Variants in PCNT observed in about 807,000 individuals in gnomAD.
PCNT encodes pericentrin.
PCNT carries 319 observed loss-of-function variants against 380.4 expected under a neutral mutation model. The ratio of observed to expected loss-of-function variants is 0.84; its 90% CI spans 0.77 to 0.92. The LOEUF (loss-of-function observed/expected upper bound fraction) is 0.92. Ranked by LOEUF, PCNT falls within the 40% of genes least tolerant of loss-of-function variation. The pLI, the probability that PCNT is intolerant of heterozygous loss-of-function variation, is 0.00. For synonymous variants in PCNT, 1,845 were observed against 1,735.2 expected (o/e 1.06, Z -1.57); for missense variants, 4,400 against 4,255.3 (o/e 1.03, Z -0.95).
chr21:46,363,988 G>C, intron 14 of PCNT, 54 bp downstream of exon 14: 1 of 1,523,216 alleles, frequency 6.6e-7, no homozygotes, highest in Non-Finnish European at 9.0e-7. Context: ...CACCTTGGAG[G>C]GTAGAAGGTG....
At chr21:46,353,360 T>A (rs1397707951) in intron 10 of PCNT, 34 bp downstream of exon 10, 1 of 1,561,030 alleles carries the variant, frequency 6.4e-7, no homozygotes, top group African/African-American at 1.4e-5. Context: ...AGTGAGTTTC[T>A]GCCATACAGG....
chr21:46,361,507 C>G (rs1364519853), intron 13 of PCNT, among the ~76,000 whole-genome samples: 2 of 152,234 alleles, frequency 1.3e-5, no homozygotes, highest in East Asian at 1.9e-4. Flanking sequence ...TGCACAGGTG[C>G]TTTTGTCACC....
At position 46,437,089 on chromosome 21, in the gene PCNT, G is replaced by C; in HGVS notation, c.9099+8G>C. The C allele has an allele frequency of 6.2e-7, 1 of 1,605,444 alleles. No homozygotes were observed. Among genetic ancestry groups the C allele is most frequent in the Non-Finnish European group, 8.5e-7 (1 of 1,172,690 alleles). ...AGGCCCACCTCCTCCCAGGTAAGGG[G>C]TGAGCGCCCCCAGGTCCCTGGCCTG... On this transcript the variant is annotated splice_region_variant and intron_variant, in intron 40 of 46. Coordinates refer to ENST00000359568, the MANE Select transcript of PCNT (RefSeq NM_006031.6).
intron 27 of PCNT, among the ~76,000 whole-genome samples, chr21:46,406,041 G>A (rs1169601117): frequency 6.6e-6 from 1 of 152,118 alleles, no homozygotes; most frequent in East Asian, 1.9e-4. Flanking sequence ...ACTCTTGTTA[G>A]GTTTCCAGTT....
chr21:46,398,425 A>T (rs2086281721), intron 24 of PCNT, among the ~76,000 whole-genome samples, 170 bp downstream of exon 24: 1 of 152,248 alleles, frequency 6.6e-6, no homozygotes, highest in Non-Finnish European at 1.5e-5. Context: ...TTTTTTAAAA[A>T]ATTAATGGTG....
Position 46,399,811 on chromosome 21 carries a change from T to G in PCNT, c.4791+15T>G. 1.9e-6 allele frequency: 3 copies of G among 1,611,188 alleles called. No homozygotes were observed. Reference sequence around the variant, plus strand: ...GGCTGGAACAGGTAAAGCGTCTCCATGTTGTGGTTGGGCACGTGGTGAGGT... The same window carrying G: ...GGCTGGAACAGGTAAAGCGTCTCCAGGTTGTGGTTGGGCACGTGGTGAGGT... On this transcript the variant is annotated intron_variant, in intron 25 of 46. Coordinates refer to ENST00000359568, the MANE Select transcript of PCNT (RefSeq NM_006031.6).
rs781033089 is a variant in PCNT at position 46,416,579 on chromosome 21, C to T, written c.6661C>T (p.Leu2221=). Residue 2221 remains leucine, a synonymous_variant, in exon 30 of 47, where the codon CTG becomes TTG. Transcript: ENST00000359568. ...GAAGAGCCCGGTCGGGATGCTGGAC[C>T]TGTCTTCCTGGAGCTCCCCTGAGGT... ...PRKSPVGMLD[L]SSWSSPEVLR... is the part of the protein sequence containing the mutation. 2 of 1,609,726 alleles carry T rather than the reference C, an allele frequency of 1.2e-6. No individual in the cohort carries two copies. The highest frequency in any genetic ancestry group is 1.1e-5 in the South Asian group (1 of 90,744).
intron 37 of PCNT, chr21:46,431,032 A>C (rs1331031838): frequency 2.0e-6 from 2 of 985,350 alleles, no homozygotes; most frequent in East Asian, 2.3e-4. Context: ...GAGGCCCAGC[A>C]GGCCTGCTGT....
At position 46,345,707 on chromosome 21, in the gene PCNT, G is replaced by T. The variant is rs575323167; in HGVS notation, c.640-421G>T. ...GGCTCCAGACATCATCATCACCCCA[G>T]AAGGAAGCCCGGTGCTCGCGGCAGC... On this transcript the variant is annotated intron_variant, in intron 3 of 46. Transcript: ENST00000359568. Among the ~76,000 whole-genome samples the T allele has an allele frequency of 5.5e-3, 844 of 152,292 alleles. 8 individuals are homozygous for T. Among genetic ancestry groups the T allele is most frequent in the Non-Finnish European group, 9.8e-3 (669 of 68,026 alleles).
At chr21:46,332,901 G>A (rs1055073280) in intron 2 of PCNT, among the ~76,000 whole-genome samples, 1 of 152,150 alleles carries the variant, frequency 6.6e-6, no homozygotes, top group Admixed American at 6.6e-5. Context: ...TTGAGCCCAG[G>A]ATTTTGAGGC....
chr21:46,362,866 CA>C (rs961481208), intron 13 of PCNT, among the ~76,000 whole-genome samples: 456 of 137,160 alleles, frequency 3.3e-3, no homozygotes, highest in Middle Eastern at 3.6e-3. Context: ...GACCCTGTCT[CA>C]AAAAAAAAAA....
At chr21:46,401,747 C>T in intron 26 of PCNT, 26 bp downstream of exon 26, 2 of 1,613,042 alleles carry the variant, frequency 1.2e-6, no homozygotes. Flanking sequence ...GGCCATGGGA[C>T]TGCCAGCCCT....
intron 8 of PCNT, among the ~76,000 whole-genome samples, chr21:46,350,133 C>A (rs1408577499): frequency 6.6e-6 from 1 of 152,014 alleles, no homozygotes; most frequent in Non-Finnish European, 1.5e-5. Flanking sequence ...GAGCTGAGAT[C>A]TCACCACTGC....
chr21:46,356,945 A>T (rs769149423), intron 12 of PCNT, 29 bp from the exon 13 acceptor site: 1 of 1,604,484 alleles, frequency 6.2e-7, no homozygotes, highest in Admixed American at 1.7e-5. Flanking sequence ...CACCGGCCTG[A>T]CTGTCTTCCC....
At chr21:46,365,886 T>G (rs2146906448) in intron 14 of PCNT, among the ~76,000 whole-genome samples, 1 of 124,444 alleles carries the variant, frequency 8.0e-6, no homozygotes, top group South Asian at 2.4e-4. Flanking sequence ...ATTCACTCAC[T>G]GTCGTGGGGT....
Position 46,442,482 on chromosome 21 carries a change from C to T in PCNT, c.9624-15C>T, listed in dbSNP as rs776955361. On this transcript the variant is annotated splice_polypyrimidine_tract_variant and intron_variant, in intron 43 of 46. Coordinates refer to ENST00000359568, the MANE Select transcript of PCNT (RefSeq NM_006031.6). ...TGCCGTACTTTTAAGTGTGTCTTGT[C>T]TCTTTTTTTTGTAGATTACGTTTTT... The T allele has an allele frequency of 6.4e-7, 1 of 1,556,910 alleles. No homozygotes were observed. The highest frequency in any genetic ancestry group is 8.9e-7 in the Non-Finnish European group (1 of 1,128,222).
intron 10 of PCNT, among the ~76,000 whole-genome samples, chr21:46,353,547 C>G (rs533422642): frequency 2.2e-4 from 33 of 152,138 alleles, no homozygotes; most frequent in African/African-American, 8.0e-4. Flanking sequence ...CTGTCCAGGC[C>G]TGCGTGCACA....
At chr21:46,375,075 T>C (rs976941139) in intron 15 of PCNT, among the ~76,000 whole-genome samples, 11 of 152,132 alleles carry the variant, frequency 7.2e-5, no homozygotes, top group African/African-American at 2.4e-4. Flanking sequence ...ATACCGCCCT[T>C]GAGAGTTTGG....
intron 27 of PCNT, among the ~76,000 whole-genome samples, chr21:46,407,229 CTG>C (rs1380083490): frequency 1.5e-4 from 23 of 151,712 alleles, no homozygotes; most frequent in African/African-American, 4.4e-4. Context: ...CTTTAACAGA[CTG>C]AGGTATTTGG....
Sources: gnomAD v4.1 joint callset for allele counts (sites outside exome capture counted in the v4.1 genomes callset) on GRCh38, gnomAD v4.1.1 for gene constraint, MANE v1.5 for transcripts, NCBI Gene and HGNC (gene_info 2026-07-23, HGNC 2026-07-21) for gene names.